Variants in ATRX observed in about 807,000 individuals in gnomAD.
ATRX encodes ATRX chromatin remodeler.
In ATRX, 12 loss-of-function variants were observed where a neutral mutation model predicts 172.6. That is an observed-to-expected ratio of 0.07 (90% CI 0.04 to 0.11). The LOEUF is 0.11. ATRX is among the 10% of genes least tolerant of loss of function. The pLI is 1.00. For synonymous variants in ATRX, 674 were observed against 594.7 expected, an observed-to-expected ratio of 1.13 and a Z score of -1.94; for missense variants, 1,368 against 1,767.4, an observed-to-expected ratio of 0.77 and a Z score of 4.05.
Position 77,670,124 on chromosome X carries a change from CA to C in ATRX, c.3810-5347del, listed in dbSNP as rs2070475953. On this transcript the variant is annotated intron_variant, in intron 10 of 34. Coordinates refer to ENST00000373344, the MANE Select transcript of ATRX (RefSeq NM_000489.6). ...TTTATCTTTTAAGAGGTTCTGAGAA[CA>C]GGTTTGAAGAAAATTGCTGGAAAAA... Among the ~76,000 whole-genome samples the C allele has an allele frequency of 2.7e-5, 3 of 111,778 alleles. No individual in the cohort carries two copies. In the South Asian group the frequency reaches 1.1e-3, roughly 41 times the overall value.
At chrX:77,591,730 C>A (rs2066264202) in intron 26 of ATRX, among the ~76,000 whole-genome samples, 1 of 112,295 alleles carries the variant, frequency 8.9e-6, no homozygotes, top group African/African-American at 3.2e-5. Context: ...AGTAGTTTAT[C>A]TTTCCCAAAA....
At chrX:77,726,367 G>T (rs1347987659) in intron 1 of ATRX, among the ~76,000 whole-genome samples, 6 of 106,043 alleles carry the variant, frequency 5.7e-5, no homozygotes, top group South Asian at 8.5e-4. Flanking sequence ...GCAAACTATC[G>T]CAAGGACAAA....
chrX:77,538,935 G>A (rs1030955298), intron 30 of ATRX, among the ~76,000 whole-genome samples: 6 of 99,611 alleles, frequency 6.0e-5, no homozygotes, highest in Non-Finnish European at 1.2e-4. Context: ...TCACTCTGTC[G>A]CCAGGCTGGA....
chrX:77,767,330 GA>G (rs1557196775), intron 1 of ATRX, among the ~76,000 whole-genome samples: 1 of 110,319 alleles, frequency 9.1e-6, no homozygotes, highest in African/African-American at 3.3e-5. Context: ...AATTTTACTA[GA>G]TTAATTAAAA....
At chrX:77,678,236 G>A (rs201584385) in intron 9 of ATRX, among the ~76,000 whole-genome samples, 10 of 102,781 alleles carry the variant, frequency 9.7e-5, no homozygotes, top group Non-Finnish European at 1.2e-4. Context: ...AAAAAAAAAA[G>A]AGACAGACAG....
rs905912658 is a variant in ATRX, at chrX:77,555,017, G to C, written c.6699+2434C>G. On this transcript the variant is annotated intron_variant, in intron 30 of 34. Transcript: ENST00000373344. ...AATACATTAAAAAGATAAAAGAGGG[G>C]CTCTGACTGAAATGGGATGTCGGGA... is the stretch of plus-strand genomic sequence containing the variant. Among the ~76,000 whole-genome samples the C allele has an allele frequency of 7.2e-5, 8 of 111,794 alleles. No individual in the cohort carries two copies. In the South Asian group the frequency reaches 3.0e-3, roughly 42 times the overall value.
intron 1 of ATRX, among the ~76,000 whole-genome samples, chrX:77,759,603 G>A (rs1253234909): frequency 9.1e-6 from 1 of 110,452 alleles, no homozygotes; most frequent in Non-Finnish European, 1.9e-5. Context: ...AATCGCAGCT[G>A]CTTGGGAGGC....
chrX:77,581,578 C>T (rs902417471), intron 27 of ATRX, among the ~76,000 whole-genome samples: 12 of 111,770 alleles, frequency 1.1e-4, no homozygotes, highest in Non-Finnish European at 2.1e-4. Context: ...AATATTGTTA[C>T]AGCCAAAGAG....
intron 2 of ATRX, among the ~76,000 whole-genome samples, chrX:77,707,533 A>G (rs2072898295): frequency 8.9e-6 from 1 of 111,931 alleles, no homozygotes; most frequent in African/African-American, 3.3e-5. Flanking sequence ...TTGCTTAAGC[A>G]CAAGAGTTCA....
At chrX:77,644,843 T>G (rs1472068454) in intron 15 of ATRX, among the ~76,000 whole-genome samples, 1 of 111,448 alleles carries the variant, frequency 9.0e-6, no homozygotes, top group Non-Finnish European at 1.9e-5. Context: ...AATTATTTGA[T>G]GAAATAATTG....
intron 15 of ATRX, among the ~76,000 whole-genome samples, chrX:77,643,348 C>A (rs1557112118): frequency 1.5e-4 from 17 of 110,475 alleles, no homozygotes; most frequent in Non-Finnish European, 1.9e-5. Flanking sequence ...TCCCAAAACA[C>A]CACCTAAGGC....
chrX:77,591,985 A>G (rs973513409), intron 26 of ATRX, among the ~76,000 whole-genome samples: 8 of 112,200 alleles, frequency 7.1e-5, no homozygotes, highest in Non-Finnish European at 1.3e-4. Flanking sequence ...TTAAATGTCT[A>G]TACTAATGGT....
chrX:77,540,987 G>C (rs1348903523), intron 30 of ATRX, among the ~76,000 whole-genome samples: 2 of 111,249 alleles, frequency 1.8e-5, no homozygotes, highest in African/African-American at 6.5e-5. Context: ...GAAGGAGATA[G>C]AGACATAAAA....
chrX:77,767,349 C>G (rs1350117978), intron 1 of ATRX, among the ~76,000 whole-genome samples: 1 of 110,049 alleles, frequency 9.1e-6, no homozygotes. Context: ...AAATGCTTTC[C>G]ATCTATAAAA....
chrX:77,704,699 C>T (rs2072718278), intron 2 of ATRX, among the ~76,000 whole-genome samples: 1 of 112,583 alleles, frequency 8.9e-6, no homozygotes, highest in South Asian at 3.6e-4. Flanking sequence ...GGCATGTCAG[C>T]AGTTCCCCAA....
intron 34 of ATRX, among the ~76,000 whole-genome samples, chrX:77,519,205 G>A (rs1047439004): frequency 7.2e-5 from 8 of 111,365 alleles, no homozygotes; most frequent in Non-Finnish European, 9.4e-5. Flanking sequence ...TCAACAAGGC[G>A]AAGAGACAAC....
chrX:77,551,951 A>G (rs2064548480), intron 30 of ATRX, among the ~76,000 whole-genome samples: 1 of 111,934 alleles, frequency 8.9e-6, no homozygotes, highest in African/African-American at 3.3e-5. Flanking sequence ...AATGGCAATC[A>G]TCAAAAAGTC....
chrX:77,613,513 G>A (rs1034584652), intron 22 of ATRX, among the ~76,000 whole-genome samples: 2 of 111,791 alleles, frequency 1.8e-5, no homozygotes, highest in African/African-American at 6.5e-5. Context: ...TAAACCACAC[G>A]GGTCCACTTA....
At chrX:77,774,882 T>TTTTGTTTGTTTG (rs71880876) in intron 1 of ATRX, among the ~76,000 whole-genome samples, 16 of 108,642 alleles carry the variant, frequency 1.5e-4, no homozygotes, top group African/African-American at 5.4e-4. Flanking sequence ...AATTTAGTAC[T>TTTTGTTTGTTTG]TTTGTTTGTT....
Sources: allele counts gnomAD v4.1 joint callset (sites outside exome capture counted in the v4.1 genomes callset), GRCh38; gene constraint gnomAD v4.1.1; transcripts MANE v1.5; gene names NCBI Gene and HGNC (gene_info 2026-07-23, HGNC 2026-07-21).